Variants in SELENOW observed in about 807,000 individuals in gnomAD.
The protein encoded by SELENOW is selenoprotein W, 1.
SELENOW carries 20 observed loss-of-function variants against 16.6 expected under a neutral mutation model. The ratio of observed to expected loss-of-function variants is 1.21; its 90% CI spans 0.85 to 1.76. SELENOW has a LOEUF of 1.76. Ranked by LOEUF, SELENOW falls within the 40% of genes most tolerant of loss-of-function variation. SELENOW has a pLI of 0.00. For missense variants in SELENOW, 124 were observed against 111.0 expected (o/e 1.12, Z -0.53); for synonymous variants, 44 against 46.2 (o/e 0.95, Z 0.19).
At chr19:47,780,675 C>T (rs746160466) in intron 1 of SELENOW, 50 bp from the exon 2 acceptor site, 6 of 1,526,228 alleles carry the variant, frequency 3.9e-6, no homozygotes, top group South Asian at 1.2e-5. Context: ...CCCGATCCCC[C>T]ACTTCTCCCT....
In SELENOW at chr19:47,784,541, T is replaced by C. The variant is rs1237568309; in HGVS notation, c.*270T>C. ...TTGCATACCCCATGTCTTCCCCAGTTGTCCCCTGGAGTTTGGGGGGACATC... is the reference window on the plus strand; with the variant it reads ...TTGCATACCCCATGTCTTCCCCAGTCGTCCCCTGGAGTTTGGGGGGACATC... On this transcript the variant is annotated 3_prime_UTR_variant, in exon 6 of 6. Coordinates refer to ENST00000601048, the MANE Select transcript of SELENOW (RefSeq NM_003009.4). 6.6e-6 allele frequency: 1 copy of C among 152,208 alleles called. No individual in the cohort carries two copies. The highest frequency in any genetic ancestry group is 2.4e-5 in the African/African-American group (1 of 41,432). The allele number at this position is 152,208 out of a possible 1,614,324, so 9.4% of individuals were successfully genotyped here. A position where few individuals can be genotyped will look rare whatever the true frequency, so the allele number is the denominator to read the frequency against.
At chr19:47,780,488 C>A in intron 1 of SELENOW, 1 of 573,482 alleles carries the variant, frequency 1.7e-6, no homozygotes, top group East Asian at 2.9e-5. Context: ...TTCTGTGTGT[C>A]TCTGTGTGTC....
chr19:47,778,710 C>G lies in SELENOW; in HGVS notation c.-76C>G. 2.0e-6 allele frequency: 3 copies of G among 1,515,462 alleles called. No homozygotes were observed. The highest frequency in any genetic ancestry group is 2.4e-5 in the South Asian group (2 of 82,014). The allele number at this position is 1,515,462 out of a possible 1,614,324, so 93.9% of individuals were successfully genotyped here. ...TGCGCAGGTTCCCGCCGCACTCGCG[C>G]AGACCTAGCGCGTCCAGGTGGGAGG... On this transcript the variant is annotated 5_prime_UTR_variant, in exon 1 of 6. Coordinates refer to ENST00000601048, the MANE Select transcript of SELENOW (RefSeq NM_003009.4).
At chr19:47,781,061 G>T (rs1967469424) in intron 3 of SELENOW, 47 bp from the exon 4 acceptor site, 3 of 1,580,858 alleles carry the variant, frequency 1.9e-6, no homozygotes, top group Non-Finnish European at 1.7e-6. Context: ...GTCTCCCCAA[G>T]AGGACATCTT....
chr19:47,779,407 A>G (rs953405678), intron 1 of SELENOW: 1 of 152,734 alleles, frequency 6.5e-6, no homozygotes, highest in Admixed American at 6.5e-5. Flanking sequence ...TAGGATATAA[A>G]TTACGTTCTC....
At chr19:47,782,645 A>C (rs1967489818) in intron 5 of SELENOW, 1 of 151,876 alleles carries the variant, frequency 6.6e-6, no homozygotes, top group Non-Finnish European at 1.5e-5. Flanking sequence ...AGTTCAAGCA[A>C]TTCTCCTGTG....
chr19:47,780,942 A>G (rs1168601804), intron 3 of SELENOW, 25 bp downstream of exon 3: 2 of 1,612,130 alleles, frequency 1.2e-6, no homozygotes, highest in East Asian at 2.2e-5. Flanking sequence ...GGGGAGAAAG[A>G]CTTGAGCACA....
At position 47,781,107 on chromosome 19, in the gene SELENOW, GT is replaced by G. The variant is rs1340534242; in HGVS notation, c.109del (p.Cys37AlafsTer?). ...EDEFPGRLDI[C>X]GEGTPQATGF... ...ACATCTCCCCTACCCCCTTTCCTCA[GT>G]GCGGCGAGGGAACTCCCCAGGCCAC... On this transcript the variant is annotated frameshift_variant and splice_region_variant, in exon 4 of 6. Transcript: ENST00000601048. LOFTEE classifies it high-confidence loss of function. 4 of 1,613,292 alleles carry G rather than the reference GT, an allele frequency of 2.5e-6. No homozygotes were observed. Among genetic ancestry groups the G allele is most frequent in the Non-Finnish European group, 3.4e-6 (4 of 1,179,332 alleles).
Position 47,780,878 on chromosome 19 carries a change from G to A in SELENOW, c.69G>A (p.Lys23=), listed in dbSNP as rs1555797565. The change falls in exon 3 of 6, where the codon AAG becomes AAA. Residue 23 remains lysine (K), a synonymous_variant. Transcript: ENST00000601048. The part of the protein sequence containing the change: ...UGYKSKYLQL[K]KKLEDEFPGR... ...CGCGTTTTCAGTATCTTCAGCTCAA[G>A]AAGAAGTTAGAAGATGAGTTCCCCG... The A allele has an allele frequency of 1.2e-6, 2 of 1,613,248 alleles. No individual in the cohort carries two copies. The highest frequency in any genetic ancestry group is 2.2e-5 in the South Asian group (2 of 90,978).
rs147112044 is a variant in SELENOW at position 47,780,856 on chromosome 19, G to C, written c.55-8G>C. 1.2e-6 allele frequency: 2 copies of C among 1,612,662 alleles called. No individual in the cohort carries two copies. The highest frequency in any genetic ancestry group is 8.5e-7 in the Non-Finnish European group (1 of 1,179,478). ...GACCCCTGCTGTGACCTCTCACCGC[G>C]TTTTCAGTATCTTCAGCTCAAGAAG... On this transcript the variant is annotated splice_region_variant and splice_polypyrimidine_tract_variant and intron_variant, in intron 2 of 5. Transcript: ENST00000601048.
chr19:47,780,330 A>C (rs1349758718), intron 1 of SELENOW: 3 of 365,220 alleles, frequency 8.2e-6, no homozygotes, highest in Non-Finnish European at 1.6e-5. Flanking sequence ...GGGCACAGGG[A>C]GTGGGTGGGG....
chr19:47,781,485 G>A, intron 5 of SELENOW, 97 bp downstream of exon 5: 1 of 716,622 alleles, frequency 1.4e-6, no homozygotes, highest in Non-Finnish European at 2.4e-6. Context: ...TGGGAGATGG[G>A]GGGGACATCA....
At position 47,781,355 on chromosome 19, in the gene SELENOW, C is replaced by T; in HGVS notation, c.249C>T (p.Ala83=). ...AGTTGGTGGCCGCCATCAAAGCCGC[C>T]TTGGCTCAGGGCTAATGCGCCCTGA... The part of the protein sequence containing the change: ...FLKLVAAIKA[A]LAQG The change falls in exon 5 of 6, where the codon GCC becomes GCT. Residue 83 remains alanine (A), a synonymous_variant. Transcript: ENST00000601048. 4 of 1,603,460 alleles carry T rather than the reference C, an allele frequency of 2.5e-6. No individual in the cohort carries two copies. Among genetic ancestry groups the T allele is most frequent in the Non-Finnish European group, 3.4e-6 (4 of 1,174,540 alleles).
Position 47,780,057 on chromosome 19 carries a change from T to A in SELENOW, c.30-668T>A, listed in dbSNP as rs61454520. The A allele has an allele frequency of 1.6e-3, 731 of 446,544 alleles. 4 individuals carry two copies. The highest frequency in any genetic ancestry group is 0.013 in the African/African-American group (654 of 49,864). 27.7% of individuals were successfully genotyped at this position (446,544 alleles called of 1,614,324 possible). ...AGATTCCAGTCCCGAAATAGCCTGC[T>A]GTGGGGGTTGGGTGAGCCTGTATTT... On this transcript the variant is annotated intron_variant, in intron 1 of 5. Coordinates refer to ENST00000601048, the MANE Select transcript of SELENOW (RefSeq NM_003009.4).
At chr19:47,779,416 T>C (rs1196565374) in intron 1 of SELENOW, 1 of 152,704 alleles carries the variant, frequency 6.5e-6, no homozygotes, top group Non-Finnish European at 1.5e-5. Context: ...AATTACGTTC[T>C]CTCCACTCCC....
Position 47,779,149 on chromosome 19 carries a change from T to A in SELENOW, c.29+335T>A, listed in dbSNP as rs1331829034. The A allele has an allele frequency of 1.6e-5, 5 of 319,420 alleles. No homozygotes were observed. The East Asian group carries it at 3.0e-4, about 19-fold the overall frequency. The allele number at this position is 319,420 out of a possible 1,614,324, so 19.8% of individuals were successfully genotyped here. On this transcript the variant is annotated intron_variant, in intron 1 of 5. Transcript: ENST00000601048. ...AAAGGGACCTAAGGCTCCTCCACCC[T>A]AAGGCTTCCCCTCCCCCAATATCCC...
intron 1 of SELENOW, 133 bp from the exon 2 acceptor site, chr19:47,780,592 T>A: frequency 1.4e-6 from 1 of 722,182 alleles, no homozygotes; most frequent in South Asian, 1.7e-5. Context: ...TGCTTGGTCA[T>A]CTGTGTTCCT....
chr19:47,778,770 G>A lies in SELENOW; in HGVS notation c.-16G>A. ...CCCGGGCGTCCGCTCCTCAGCGGATGTGGCAGCCCCGAGCCATGGCTCTCG... is the reference window on the plus strand; with the variant it reads ...CCCGGGCGTCCGCTCCTCAGCGGATATGGCAGCCCCGAGCCATGGCTCTCG... On this transcript the variant is annotated 5_prime_UTR_variant, in exon 1 of 6. In the 5' UTR this introduces an upstream ATG that the reference lacks. Coordinates refer to ENST00000601048, the MANE Select transcript of SELENOW (RefSeq NM_003009.4). 6.2e-7 allele frequency: 1 copy of A among 1,602,640 alleles called. No individual in the cohort carries two copies. Among genetic ancestry groups the A allele is most frequent in the Non-Finnish European group, 8.5e-7 (1 of 1,175,578 alleles).
At chr19:47,783,338 C>T (rs1270769661) in intron 5 of SELENOW, 1 of 152,240 alleles carries the variant, frequency 6.6e-6, no homozygotes, top group African/African-American at 2.4e-5. Flanking sequence ...GTAGCTGGGA[C>T]TACAAGCGCC....
Sources: gnomAD v4.1 joint callset for allele counts on GRCh38, gnomAD v4.1.1 for gene constraint, MANE v1.5 for transcripts, NCBI Gene and HGNC (gene_info 2026-07-23, HGNC 2026-07-21) for gene names.